SDK1: variants seen among roughly 807,000 people sequenced by gnomAD.
SDK1 encodes sidekick cell adhesion molecule 1, also known as protein sidekick-1.
A neutral mutation model predicts 245.5 loss-of-function variants in SDK1; 157 were observed. That is an observed-to-expected ratio of 0.64 (90% CI 0.56 to 0.73). The LOEUF (loss-of-function observed/expected upper bound fraction) is 0.73, where lower values mean the gene tolerates loss of function less well. SDK1 is among the 30% of genes least tolerant of loss of function. SDK1 has a pLI of 0.00. For synonymous variants in SDK1, 1,647 were observed against 1,278.5 expected (o/e 1.29, Z -6.15); for missense variants, 3,583 against 3,002.3 (o/e 1.19, Z -4.52).
chr7:3,948,754 C>A (rs949469353), intron 5 of SDK1, among the ~76,000 whole-genome samples: 2 of 152,204 alleles, frequency 1.3e-5, no homozygotes, highest in Admixed American at 6.5e-5. Flanking sequence ...GCTGAGCCCC[C>A]ACCAGTCTGG....
In SDK1 at chr7:3,955,810, G is replaced by A. The variant is rs530838188; in HGVS notation, c.1151-3121G>A. Reference sequence around the variant, plus strand: ...CTGCGGTTGCCTCCATTGGGCCTGAGCCTGCACTTTGTCACACTGGCATTT... The same window carrying A: ...CTGCGGTTGCCTCCATTGGGCCTGAACCTGCACTTTGTCACACTGGCATTT... On this transcript the variant is annotated intron_variant, in intron 7 of 44. Coordinates refer to ENST00000404826, the MANE Select transcript of SDK1 (RefSeq NM_152744.4). Among the ~76,000 whole-genome samples, 5 of 152,330 alleles carry A rather than the reference G, an allele frequency of 3.3e-5. No homozygotes were observed. In the South Asian group the frequency reaches 1.0e-3, roughly 32 times the overall value.
At chr7:4,033,068 T>G (rs1787949352) in intron 17 of SDK1, among the ~76,000 whole-genome samples, 1 of 152,182 alleles carries the variant, frequency 6.6e-6, no homozygotes, top group African/African-American at 2.4e-5. Flanking sequence ...TTAAAACATA[T>G]TGTAAAGTGC....
chr7:4,216,819 G>A lies in SDK1; in HGVS notation c.5540-3290G>A, dbSNP rs189258223. Among the ~76,000 whole-genome samples, 79 of 152,264 alleles carry A rather than the reference G, an allele frequency of 5.2e-4. 2 individuals carry two copies. The highest frequency in any genetic ancestry group is 1.6e-3 in the African/African-American group (65 of 41,538). On this transcript the variant is annotated intron_variant, in intron 38 of 44. Coordinates refer to ENST00000404826, the MANE Select transcript of SDK1 (RefSeq NM_152744.4). ...CAAATAGAGGGTACAGCATTTACCC[G>A]GTATGGGCAGCTCCTCTAGTCACTC...
intron 1 of SDK1, among the ~76,000 whole-genome samples, chr7:3,546,063 T>C (rs577113640): frequency 2.6e-5 from 4 of 152,270 alleles, no homozygotes; most frequent in African/African-American, 7.2e-5. Context: ...CTTTTAATCG[T>C]TGGGATGCAA....
chr7:3,543,994 T>C (rs1779132673), intron 1 of SDK1, among the ~76,000 whole-genome samples: 1 of 152,242 alleles, frequency 6.6e-6, no homozygotes, highest in South Asian at 2.1e-4. Flanking sequence ...CCATCTCTAC[T>C]ACTGCTCAAC....
At chr7:3,771,307 T>G (rs1780400222) in intron 4 of SDK1, among the ~76,000 whole-genome samples, 1 of 152,146 alleles carries the variant, frequency 6.6e-6, no homozygotes, top group South Asian at 2.1e-4. Context: ...ATCACCTCAC[T>G]TGCGTCGAGT....
chr7:3,399,048 CTT>C (rs1778811297), intron 1 of SDK1, among the ~76,000 whole-genome samples: 1 of 152,058 alleles, frequency 6.6e-6, no homozygotes, highest in African/African-American at 2.4e-5. Flanking sequence ...AGTATTATCT[CTT>C]CAGTTATTCT....
chr7:4,020,427 C>T (rs2128153608), intron 17 of SDK1, among the ~76,000 whole-genome samples: 1 of 152,300 alleles, frequency 6.6e-6, no homozygotes, highest in East Asian at 1.9e-4. Flanking sequence ...TGAATTCTGT[C>T]CTGAATCCAC....
At chr7:3,533,567 A>G (rs1783420035) in intron 1 of SDK1, among the ~76,000 whole-genome samples, 2 of 152,228 alleles carry the variant, frequency 1.3e-5, no homozygotes, top group Admixed American at 1.3e-4. Flanking sequence ...ATAAGTCTGT[A>G]ATGAAAAATG....
intron 1 of SDK1, among the ~76,000 whole-genome samples, chr7:3,576,331 G>C (rs1780289992): frequency 6.6e-6 from 1 of 152,092 alleles, no homozygotes; most frequent in African/African-American, 2.4e-5. Context: ...GTTACACTGT[G>C]TACTTCTGTG....
intron 5 of SDK1, among the ~76,000 whole-genome samples, chr7:3,827,174 G>A (rs1184969133): frequency 1.3e-5 from 2 of 152,144 alleles, no homozygotes; most frequent in Non-Finnish European, 1.5e-5. Context: ...ACACATATGG[G>A]GGAAGCTCAA....
At chr7:4,106,652 C>T (rs953215570) in intron 22 of SDK1, among the ~76,000 whole-genome samples, 66 of 152,314 alleles carry the variant, frequency 4.3e-4, no homozygotes, top group African/African-American at 1.3e-3. Flanking sequence ...GGGAGCCGCA[C>T]GCCCGGCGTT....
chr7:4,024,704 G>C (rs1787195207), intron 17 of SDK1, among the ~76,000 whole-genome samples: 1 of 152,188 alleles, frequency 6.6e-6, no homozygotes, highest in Non-Finnish European at 1.5e-5. Context: ...TCTCAGTGAG[G>C]TAACTCACTT....
chr7:4,232,431 A>G (rs1278433220), intron 40 of SDK1, among the ~76,000 whole-genome samples: 2 of 34,844 alleles, frequency 5.7e-5, no homozygotes, highest in Non-Finnish European at 1.2e-4. Context: ...TTTTTTTGTT[A>G]TAATGTGAAG....
intron 5 of SDK1, among the ~76,000 whole-genome samples, chr7:3,880,440 C>CGGCCT (rs1781179143): frequency 6.6e-6 from 1 of 151,896 alleles, no homozygotes; most frequent in South Asian, 2.1e-4. Flanking sequence ...AGCAGGAGCC[C>CGGCCT]GGCCCGCGGC....
At chr7:3,374,624 T>A (rs1781309132) in intron 1 of SDK1, among the ~76,000 whole-genome samples, 1 of 151,940 alleles carries the variant, frequency 6.6e-6, no homozygotes, top group Middle Eastern at 3.2e-3. Flanking sequence ...ATAAGGTACG[T>A]TTTTCCCCAC....
At chr7:3,521,409 C>A (rs968068966) in intron 1 of SDK1, among the ~76,000 whole-genome samples, 4 of 141,080 alleles carry the variant, frequency 2.8e-5, no homozygotes, top group Non-Finnish European at 4.6e-5. Context: ...CTCTGCCTAC[C>A]ACAGTGAGCC....
rs138093879 is a variant in SDK1 at position 3,790,285 on chromosome 7, T to C, written c.714-31165T>C. Among the ~76,000 whole-genome samples the C allele has an allele frequency of 5.6e-3, 852 of 152,202 alleles. 9 individuals are homozygous for C. Among genetic ancestry groups the C allele is most frequent in the African/African-American group, 0.02 (819 of 41,526 alleles). Reference sequence around the variant, plus strand: ...AGATATTTATATCTGAAAACAGAAATTATACTAGGTATTTCAACAGAGGGA... The same window carrying C: ...AGATATTTATATCTGAAAACAGAAACTATACTAGGTATTTCAACAGAGGGA... On this transcript the variant is annotated intron_variant, in intron 4 of 44. Coordinates refer to ENST00000404826, the MANE Select transcript of SDK1 (RefSeq NM_152744.4).
intron 1 of SDK1, among the ~76,000 whole-genome samples, chr7:3,349,072 G>C (rs112089508): frequency 1.3e-5 from 2 of 151,948 alleles, no homozygotes; most frequent in African/African-American, 4.8e-5. Flanking sequence ...GCAGGATGTT[G>C]AAGTGCACTT....
Sources: allele counts gnomAD v4.1 joint callset (sites outside exome capture counted in the v4.1 genomes callset), GRCh38; gene constraint gnomAD v4.1.1; transcripts MANE v1.5; gene names NCBI Gene and HGNC (gene_info 2026-07-23, HGNC 2026-07-21).